Variants in EFCAB8 observed in about 807,000 individuals in gnomAD.
EFCAB8 encodes the protein EF-hand calcium-binding domain-containing protein 8.
A neutral mutation model predicts 116.3 loss-of-function variants in EFCAB8; 100 were observed. The ratio of observed to expected loss-of-function variants is 0.86; its 90% confidence interval spans 0.73 to 1.02. The LOEUF is 1.02. Among genes scored for constraint, EFCAB8 ranks in the 50% least tolerant of loss-of-function variants. The pLI, the probability that EFCAB8 is intolerant of heterozygous loss-of-function variation, is 0.00. For synonymous variants in EFCAB8, 558 were observed against 567.9 expected (o/e 0.98, Z 0.25); for missense variants, 1,320 against 1,416.9 (o/e 0.93, Z 1.10).
At chr20:32,859,972 C>T (rs1475061653) in intron 1 of EFCAB8, among the ~76,000 whole-genome samples, 2 of 152,194 alleles carry the variant, frequency 1.3e-5, no homozygotes, top group African/African-American at 4.8e-5. Flanking sequence ...AGTCACCTTT[C>T]ATCTCTAACA....
chr20:32,880,203 A>G (rs945493166), intron 5 of EFCAB8, among the ~76,000 whole-genome samples: 4 of 152,136 alleles, frequency 2.6e-5, no homozygotes, highest in African/African-American at 9.7e-5. Flanking sequence ...GCTGGAAGGC[A>G]GCCCCGGTCC....
At chr20:32,913,443 T>C (rs1367987371) in intron 17 of EFCAB8, among the ~76,000 whole-genome samples, 1 of 152,150 alleles carries the variant, frequency 6.6e-6, no homozygotes, top group Non-Finnish European at 1.5e-5. Flanking sequence ...TTCCTCGCCT[T>C]AGGGATTACG....
chr20:32,960,101 A>G lies in EFCAB8; in HGVS notation c.3333A>G (p.Glu1111=). 1 of 1,551,644 alleles carries G rather than the reference A, an allele frequency of 6.4e-7. No individual in the cohort carries two copies. Residue 1111 remains glutamate (E), a synonymous_variant, in exon 26 of 27, where the codon GAA becomes GAG. Transcript: ENST00000400522. ...KVLGAAYKPK[E]RLQNTRFLST... The stretch of plus-strand genomic sequence containing the variant: ...TGGGAGCGGCGTATAAGCCCAAGGA[A>G]CGCTTGCAGAATACCAGGTTCCTGT...
chr20:32,875,625 C>T (rs1984931383), intron 3 of EFCAB8, among the ~76,000 whole-genome samples: 1 of 151,256 alleles, frequency 6.6e-6, no homozygotes, highest in Non-Finnish European at 1.5e-5. Flanking sequence ...CTGCCTCAGC[C>T]TCCCAAGTAG....
chr20:32,931,058 T>A, intron 21 of EFCAB8, 120 bp from the exon 22 acceptor site: 1 of 812,136 alleles, frequency 1.2e-6, no homozygotes, highest in Non-Finnish European at 1.9e-6. Flanking sequence ...CTCAGAGATG[T>A]AAGTAAGAAC....
intron 26 of EFCAB8, among the ~76,000 whole-genome samples, 195 bp from the exon 27 acceptor site, chr20:32,960,941 C>A (rs1338934946): frequency 6.6e-6 from 1 of 152,222 alleles, no homozygotes; most frequent in African/African-American, 2.4e-5. Context: ...CAGGGCTGGG[C>A]ACCTGGCCTG....
chr20:32,936,812 A>G (rs1422270157), intron 22 of EFCAB8, among the ~76,000 whole-genome samples: 1 of 152,154 alleles, frequency 6.6e-6, no homozygotes, highest in Non-Finnish European at 1.5e-5. Context: ...ATGATTGCAT[A>G]TGAATTTAAG....
chr20:32,951,455 C>T (rs1389413520), intron 23 of EFCAB8, among the ~76,000 whole-genome samples: 1 of 152,098 alleles, frequency 6.6e-6, no homozygotes, highest in Non-Finnish European at 1.5e-5. Flanking sequence ...TTTATTTTTT[C>T]CCAACCATTT....
intron 14 of EFCAB8, 86 bp downstream of exon 14, chr20:32,908,498 C>T: frequency 1.6e-6 from 2 of 1,228,788 alleles, no homozygotes; most frequent in Non-Finnish European, 2.1e-6. Flanking sequence ...AAGGGGTGGC[C>T]ACGTCCTGTC....
chr20:32,893,477 G>C (rs965538003), intron 9 of EFCAB8, among the ~76,000 whole-genome samples, 179 bp downstream of exon 9: 16 of 152,258 alleles, frequency 1.1e-4, no homozygotes, highest in African/African-American at 3.6e-4. Context: ...AGAGGCGATG[G>C]GGGGCAGCAG....
intron 1 of EFCAB8, among the ~76,000 whole-genome samples, chr20:32,859,833 CTAA>C (rs1242370402): frequency 1.3e-5 from 2 of 152,230 alleles, no homozygotes; most frequent in African/African-American, 2.4e-5. Context: ...AATATGCTAT[CTAA>C]TAATATAGAG....
intron 8 of EFCAB8, 76 bp downstream of exon 8, chr20:32,892,373 G>T: frequency 7.0e-7 from 1 of 1,435,882 alleles, no homozygotes; most frequent in East Asian, 2.5e-5. Context: ...ACTGACTAGG[G>T]TTGGGGCCCC....
chr20:32,865,534 A>G (rs1208744630), intron 2 of EFCAB8, among the ~76,000 whole-genome samples: 2 of 152,092 alleles, frequency 1.3e-5, no homozygotes, highest in Admixed American at 6.6e-5. Context: ...GCAGTGGCCC[A>G]TATCTGTAAT....
At chr20:32,866,443 G>A (rs1984405053) in intron 2 of EFCAB8, among the ~76,000 whole-genome samples, 1 of 151,774 alleles carries the variant, frequency 6.6e-6, no homozygotes, top group Non-Finnish European at 1.5e-5. Flanking sequence ...TTGGTGACCT[G>A]ACACATTATG....
chr20:32,869,094 C>T (rs1984565219), intron 3 of EFCAB8, among the ~76,000 whole-genome samples: 1 of 152,200 alleles, frequency 6.6e-6, no homozygotes, highest in Admixed American at 6.5e-5. Flanking sequence ...TTCCTTGCCC[C>T]TGTGTGACTG....
intron 15 of EFCAB8, among the ~76,000 whole-genome samples, chr20:32,910,738 C>CTT (rs34185318): frequency 0.2 from 21,618 of 107,216 alleles, 3,652 homozygotes; most frequent in African/African-American, 0.35. Flanking sequence ...TCACTTGCTA[C>CTT]TTTTTTTTTT....
intron 5 of EFCAB8, among the ~76,000 whole-genome samples, chr20:32,880,712 G>A (rs1985286374): frequency 6.6e-6 from 1 of 152,158 alleles, no homozygotes; most frequent in African/African-American, 2.4e-5. Flanking sequence ...ATGAACAGAT[G>A]TGTAGGGCGA....
chr20:32,882,774 C>A (rs960721445), intron 5 of EFCAB8, among the ~76,000 whole-genome samples: 2 of 152,070 alleles, frequency 1.3e-5, no homozygotes, highest in Non-Finnish European at 2.9e-5. Context: ...CGGCTCACTG[C>A]AAGCTCTGCC....
Position 32,919,341 on chromosome 20 carries a change from A to G in EFCAB8, c.2275-737A>G, listed in dbSNP as rs116533793. On this transcript the variant is annotated intron_variant, in intron 19 of 26. Transcript: ENST00000400522. ...CTAGGCATAGGGCAGTCTAGACCTA[A>G]ATCCAACATGGTCTGCTAGGATATA... 5.3e-3 allele frequency among the ~76,000 whole-genome samples: 806 copies of G among 152,286 alleles called. 6 individuals carry two copies. The highest frequency in any genetic ancestry group is 0.016 in the African/African-American group (678 of 41,552).
Sources: allele counts gnomAD v4.1 joint callset (sites outside exome capture counted in the v4.1 genomes callset), GRCh38; gene constraint gnomAD v4.1.1; transcripts MANE v1.5; gene names NCBI Gene and HGNC (gene_info 2026-07-23, HGNC 2026-07-21).